The following PLEKHH1 variants were observed in gnomAD, a reference collection of about 807,000 sequenced individuals.
PLEKHH1 encodes the protein pleckstrin homology domain-containing family H member 1.
PLEKHH1 carries 104 observed loss-of-function variants against 160.0 expected under a neutral mutation model. The ratio of observed to expected loss-of-function variants is 0.65; its 90% CI spans 0.55 to 0.76. PLEKHH1 has a LOEUF of 0.76. Among genes scored for constraint, PLEKHH1 ranks in the 30% least tolerant of loss-of-function variants. The probability of loss-of-function intolerance (pLI) is 0.00; values close to 1 mark genes in which losing one functional copy is unlikely to be tolerated. For missense variants in PLEKHH1, 1,427 were observed against 1,724.1 expected (o/e 0.83, Z 3.05); for synonymous variants, 619 against 678.4 (o/e 0.91, Z 1.36).
At chr14:67,567,101 A>G (rs562419071) in intron 7 of PLEKHH1, among the ~76,000 whole-genome samples, 2 of 152,138 alleles carry the variant, frequency 1.3e-5, no homozygotes, top group African/African-American at 4.8e-5. Flanking sequence ...ACAAGACACA[A>G]TGCTAGCTCC....
Position 67,562,855 on chromosome 14 carries a change from C to T in PLEKHH1, c.1224C>T (p.Asn408=). Residue 408 remains asparagine, a synonymous_variant, in exon 7 of 29, where the codon AAC becomes AAT. Transcript: ENST00000329153. ...AGCTGGAGGAAGTGGAGCTGGGTAA[C>T]AAGCCACCTACACCCCCGCTGCACC... The part of the protein sequence containing the change: ...GAELEEVELG[N]KPPTPPLHQF... 1 of 1,613,504 alleles carries T rather than the reference C, an allele frequency of 6.2e-7. No individual in the cohort carries two copies. The highest frequency in any genetic ancestry group is 1.1e-5 in the South Asian group (1 of 91,038).
chr14:67,556,982 C>T (rs745942110), intron 3 of PLEKHH1, among the ~76,000 whole-genome samples: 28 of 152,216 alleles, frequency 1.8e-4, no homozygotes, highest in Non-Finnish European at 3.1e-4. Flanking sequence ...GTCAATGGCA[C>T]AAGACCCAGC....
At position 67,585,283 on chromosome 14, in the gene PLEKHH1, G is replaced by A. The variant is rs2036097520; in HGVS notation, c.3700-285G>A. The A allele has an allele frequency of 1.2e-5, 4 of 336,964 alleles. No homozygotes were observed. The South Asian group carries it at 1.5e-4, about 12-fold the overall frequency. 20.9% of individuals were successfully genotyped at this position (336,964 alleles called of 1,614,324 possible). On this transcript the variant is annotated intron_variant, in intron 26 of 28. Coordinates refer to ENST00000329153, the MANE Select transcript of PLEKHH1 (RefSeq NM_020715.3). Reference sequence around the variant, plus strand: ...TCTGTAGCACAGAGCTTTCCATCCAGTGTGCTGTGGCAGCATGGGTTCTAG... The same window carrying A: ...TCTGTAGCACAGAGCTTTCCATCCAATGTGCTGTGGCAGCATGGGTTCTAG...
Position 67,583,831 on chromosome 14 carries a change from G to A in PLEKHH1, c.3517G>A (p.Asp1173Asn), listed in dbSNP as rs528286391. 6 of 1,613,420 alleles carry A rather than the reference G, an allele frequency of 3.7e-6. No homozygotes were observed. The African/African-American group carries it at 8.0e-5, about 22-fold the overall frequency. Residue 1173 changes from aspartate to asparagine, a missense_variant, in exon 25 of 29, where the codon GAC (aspartate) becomes AAC (asparagine). Coordinates refer to ENST00000329153, the MANE Select transcript of PLEKHH1 (RefSeq NM_020715.3). Reference sequence around the variant, plus strand: ...TCAGCATCTTCTCCAGCAGGTCCTAGACAGGTTCCACCCCAGGCGCTATAG... The same window carrying A: ...TCAGCATCTTCTCCAGCAGGTCCTAAACAGGTTCCACCCCAGGCGCTATAG... Reference protein sequence around the residue: ...KAQHLLQQVLDRFHPRRYRHG... With the variant: ...KAQHLLQQVLNRFHPRRYRHG...
At chr14:67,548,971 T>C (rs982559963) in intron 2 of PLEKHH1, among the ~76,000 whole-genome samples, 6 of 152,196 alleles carry the variant, frequency 3.9e-5, no homozygotes, top group African/African-American at 1.4e-4. Context: ...ATGTTGCTCC[T>C]TCCACCTCAT....
intron 22 of PLEKHH1, 88 bp downstream of exon 22, chr14:67,579,964 T>C (rs2035813781): frequency 7.9e-7 from 1 of 1,262,350 alleles, no homozygotes; most frequent in East Asian, 2.5e-5. Flanking sequence ...GGTGTCTGAC[T>C]GTTTGGTAGC....
At position 67,577,288 on chromosome 14, in the gene PLEKHH1, C is replaced by T. The variant is rs4902492; in HGVS notation, c.2462-14C>T. ...AGTAACTGCCCTTGCTCTCTGGTTC[C>T]GTGCTTTGGGCAGATTCGCCGCTCT... On this transcript the variant is annotated splice_polypyrimidine_tract_variant and intron_variant, in intron 17 of 28. Transcript: ENST00000329153. 1,529,967 of 1,543,520 alleles carry T rather than the reference C, an allele frequency of 0.99. 758,829 individuals carry two copies. Among genetic ancestry groups the T allele is most frequent in the Non-Finnish European group, 1 (1,139,169 of 1,139,822 alleles).
chr14:67,549,912 G>A (rs925664447), intron 2 of PLEKHH1, among the ~76,000 whole-genome samples: 2 of 152,192 alleles, frequency 1.3e-5, no homozygotes, highest in Non-Finnish European at 2.9e-5. Flanking sequence ...GCCCACATGT[G>A]ATTCTTACGC....
At chr14:67,563,092 C>A (rs145563988) in intron 7 of PLEKHH1, among the ~76,000 whole-genome samples, 198 bp downstream of exon 7, 1 of 152,212 alleles carries the variant, frequency 6.6e-6, no homozygotes, top group Non-Finnish European at 1.5e-5. Flanking sequence ...ATGTGAATGG[C>A]GGTTGGCTGT....
chr14:67,547,348 T>A (rs1039833093), intron 2 of PLEKHH1, among the ~76,000 whole-genome samples: 4 of 152,230 alleles, frequency 2.6e-5, no homozygotes, highest in Admixed American at 1.3e-4. Context: ...GGATTGTGTC[T>A]GTCCTCTGCA....
At chr14:67,584,486 G>GT (rs1222064016) in intron 26 of PLEKHH1, among the ~76,000 whole-genome samples, 2 of 152,180 alleles carry the variant, frequency 1.3e-5, no homozygotes, top group African/African-American at 4.8e-5. Flanking sequence ...GCATACAGGG[G>GT]AATCAAATTA....
intron 2 of PLEKHH1, among the ~76,000 whole-genome samples, chr14:67,543,015 G>A (rs911905659): frequency 1.4e-4 from 22 of 152,282 alleles, no homozygotes; most frequent in African/African-American, 5.1e-4. Flanking sequence ...TCAGCTGGAA[G>A]ATACATTCTA....
rs2035591557 is a variant in PLEKHH1 at position 67,575,620 on chromosome 14, T to G, written c.2169+148T>G. ...GCTGGATCCCTCCAGAGTGTGAGAT[T>G]CTGCCTGTCTGGGTCTCTGGTGCTT... On this transcript the variant is annotated intron_variant, in intron 15 of 28. Transcript: ENST00000329153. 3 of 721,444 alleles carry G rather than the reference T, an allele frequency of 4.2e-6. No homozygotes were observed. In the African/African-American group the frequency reaches 5.2e-5, roughly 13 times the overall value. 44.7% of individuals were successfully genotyped at this position (721,444 alleles called of 1,614,324 possible).
chr14:67,585,813 T>C (rs2036130387), intron 27 of PLEKHH1, 138 bp from the exon 28 acceptor site: 2 of 1,054,050 alleles, frequency 1.9e-6, no homozygotes, highest in Admixed American at 2.2e-5. Context: ...TGCTTGTAGA[T>C]ATTCAAGATG....
intron 2 of PLEKHH1, among the ~76,000 whole-genome samples, chr14:67,546,975 C>G (rs1171596642): frequency 6.6e-6 from 1 of 152,076 alleles, no homozygotes; most frequent in African/African-American, 2.4e-5. Context: ...AACAGAGTGA[C>G]TGGAAAGCCT....
At chr14:67,567,843 CGTCAGCCTTGGT>C (rs61652650) in intron 7 of PLEKHH1, among the ~76,000 whole-genome samples, 3,043 of 152,320 alleles carry the variant, frequency 0.02, 101 homozygotes, top group African/African-American at 0.069. Flanking sequence ...AACCTTCCCT[CGTCAGCCTTGGT>C]GACTCACGTC....
chr14:67,542,112 T>G, intron 2 of PLEKHH1, 119 bp downstream of exon 2: 1 of 970,398 alleles, frequency 1.0e-6, no homozygotes. Context: ...TTTCCCCATA[T>G]GCAAAATGAA....
intron 2 of PLEKHH1, among the ~76,000 whole-genome samples, chr14:67,552,270 C>T (rs892067920): frequency 6.6e-6 from 1 of 152,224 alleles, no homozygotes; most frequent in East Asian, 1.9e-4. Flanking sequence ...GACCCTGGAA[C>T]AGCCAAATAA....
rs567837749 is a variant in PLEKHH1 at position 67,588,111 on chromosome 14, C to G, written c.*876C>G. ...GTCTTTGCAGGATAACATGCTATAC[C>G]TGCTAAGATTCAAGCTGTTTTCCTC... On this transcript the variant is annotated 3_prime_UTR_variant, in exon 29 of 29. Coordinates refer to ENST00000329153, the MANE Select transcript of PLEKHH1 (RefSeq NM_020715.3). 1 of 152,728 alleles carries G rather than the reference C, an allele frequency of 6.5e-6. No homozygotes were observed. Among genetic ancestry groups the G allele is most frequent in the African/African-American group, 2.4e-5 (1 of 41,546 alleles). 9.5% of individuals were successfully genotyped at this position (152,728 alleles called of 1,614,324 possible).
Sources: gnomAD v4.1 joint callset for allele counts (sites outside exome capture counted in the v4.1 genomes callset) on GRCh38, gnomAD v4.1.1 for gene constraint, MANE v1.5 for transcripts, NCBI Gene and HGNC (gene_info 2026-07-23, HGNC 2026-07-21) for gene names.